The following KCND2 variants were observed in gnomAD, a reference collection of about 807,000 sequenced individuals.
The protein encoded by KCND2 is potassium voltage-gated channel subfamily D member 2, also known as A-type voltage-gated potassium channel KCND2.
A neutral mutation model predicts 54.4 loss-of-function variants in KCND2; 16 were observed. The observed-to-expected ratio is 0.29, with a 90% CI of 0.20 to 0.45. The LOEUF (loss-of-function observed/expected upper bound fraction) is 0.45. KCND2 is among the 20% of genes least tolerant of loss of function. The pLI is 1.00. For synonymous variants in KCND2, 317 were observed against 310.7 expected (o/e 1.02, Z -0.21); for missense variants, 486 against 824.2 (o/e 0.59, Z 5.02).
chr7:120,289,595 A>G (rs1451966047), intron 1 of KCND2, among the ~76,000 whole-genome samples: 1 of 152,034 alleles, frequency 6.6e-6, no homozygotes, highest in Non-Finnish European at 1.5e-5. Context: ...GAGCTACCTT[A>G]CACTTCTACC....
chr7:120,449,028 C>A (rs1802060478), intron 1 of KCND2, among the ~76,000 whole-genome samples: 1 of 152,078 alleles, frequency 6.6e-6, no homozygotes, highest in African/African-American at 2.4e-5. Flanking sequence ...TCACACACAA[C>A]GAAATAGAAA....
chr7:120,589,152 T>C (rs1399746240), intron 1 of KCND2, among the ~76,000 whole-genome samples: 1 of 152,158 alleles, frequency 6.6e-6, no homozygotes, highest in Non-Finnish European at 1.5e-5. Context: ...ATAGACTCCA[T>C]CTTTCTAAGG....
At chr7:120,599,143 G>C (rs886817778) in intron 1 of KCND2, among the ~76,000 whole-genome samples, 1 of 152,012 alleles carries the variant, frequency 6.6e-6, no homozygotes, top group African/African-American at 2.4e-5. Context: ...GATATATATG[G>C]ATCTATTTTT....
chr7:120,728,444 A>G (rs1168505004), intron 1 of KCND2, among the ~76,000 whole-genome samples: 1 of 151,756 alleles, frequency 6.6e-6, no homozygotes, highest in East Asian at 2.0e-4. Context: ...GGCATGTGCC[A>G]CCACACCCGG....
intron 1 of KCND2, among the ~76,000 whole-genome samples, chr7:120,658,515 T>TTCAATATTA (rs1791829670): frequency 6.6e-6 from 1 of 152,320 alleles, no homozygotes; most frequent in African/African-American, 2.4e-5. Flanking sequence ...CTTGTTTGTT[T>TTCAATATTA]TCAATATTAT....
At chr7:120,546,250 G>GT (rs1401029182) in intron 1 of KCND2, among the ~76,000 whole-genome samples, 2 of 151,914 alleles carry the variant, frequency 1.3e-5, no homozygotes, top group African/African-American at 4.8e-5. Flanking sequence ...ATTGAACACG[G>GT]TTCTAACCCT....
At chr7:120,345,415 A>G (rs981321255) in intron 1 of KCND2, among the ~76,000 whole-genome samples, 2 of 152,190 alleles carry the variant, frequency 1.3e-5, no homozygotes, top group South Asian at 2.1e-4. Context: ...GGTAACATCT[A>G]TGTAGCATAA....
chr7:120,420,530 A>G lies in KCND2; in HGVS notation c.1115+144783A>G, dbSNP rs575398709. Among the ~76,000 whole-genome samples, 40 of 152,326 alleles carry G rather than the reference A, an allele frequency of 2.6e-4. 1 individual carries two copies. The South Asian group carries it at 7.7e-3, about 29-fold the overall frequency. On this transcript the variant is annotated intron_variant, in intron 1 of 5. Transcript: ENST00000331113. ...GTAGAAGTTCAGCTTGCTGGAGACA[A>G]TCATACCTCAGTACAGCAGAGAGGT...
intron 1 of KCND2, among the ~76,000 whole-genome samples, chr7:120,428,772 G>A (rs780754676): frequency 2.6e-5 from 4 of 152,152 alleles, no homozygotes; most frequent in Non-Finnish European, 4.4e-5. Context: ...CTGAACAAAT[G>A]AGCAGCAATG....
intron 1 of KCND2, among the ~76,000 whole-genome samples, chr7:120,331,695 T>A (rs1158296921): frequency 4.6e-5 from 7 of 152,060 alleles, no homozygotes; most frequent in Non-Finnish European, 1.0e-4. Context: ...TCTATACTTT[T>A]AATTTATCTT....
chr7:120,368,233 C>T lies in KCND2; in HGVS notation c.1115+92486C>T, dbSNP rs182033276. 3.8e-3 allele frequency among the ~76,000 whole-genome samples: 585 copies of T among 152,036 alleles called. 4 individuals are homozygous for T. Among genetic ancestry groups the T allele is most frequent in the Non-Finnish European group, 6.6e-3 (449 of 67,946 alleles). ...TATATTACTCTTCAGATTCTTCTGGCGGATCCAGTGATAATTTTTCTTCTT... is the reference window on the plus strand; with the variant it reads ...TATATTACTCTTCAGATTCTTCTGGTGGATCCAGTGATAATTTTTCTTCTT... On this transcript the variant is annotated intron_variant, in intron 1 of 5. Transcript: ENST00000331113.
chr7:120,472,781 A>G (rs1034631178), intron 1 of KCND2, among the ~76,000 whole-genome samples: 1 of 152,192 alleles, frequency 6.6e-6, no homozygotes, highest in South Asian at 2.1e-4. Context: ...AGGATTGGCA[A>G]TAATTGTAAG....
At chr7:120,294,565 C>T (rs1799481389) in intron 1 of KCND2, among the ~76,000 whole-genome samples, 2 of 151,618 alleles carry the variant, frequency 1.3e-5, no homozygotes, top group Admixed American at 1.3e-4. Flanking sequence ...TTTATAAAGA[C>T]ATTTTTATCT....
At chr7:120,538,299 A>G (rs963189347) in intron 1 of KCND2, among the ~76,000 whole-genome samples, 3 of 152,252 alleles carry the variant, frequency 2.0e-5, no homozygotes, top group Admixed American at 2.0e-4. Context: ...GAAAACAGTT[A>G]CAATAGTAAC....
At chr7:120,368,732 C>A (rs1302307467) in intron 1 of KCND2, among the ~76,000 whole-genome samples, 1 of 151,832 alleles carries the variant, frequency 6.6e-6, no homozygotes, top group Non-Finnish European at 1.5e-5. Context: ...TGACTATAAG[C>A]CAAATCTCTT....
At chr7:120,705,875 C>G (rs1255825896) in intron 1 of KCND2, among the ~76,000 whole-genome samples, 1 of 152,052 alleles carries the variant, frequency 6.6e-6, no homozygotes, top group East Asian at 1.9e-4. Flanking sequence ...CTATCAGTGC[C>G]TTTGATTCCT....
intron 1 of KCND2, among the ~76,000 whole-genome samples, chr7:120,585,835 A>ATC (rs2116450554): frequency 6.6e-6 from 1 of 152,282 alleles, no homozygotes; most frequent in African/African-American, 2.4e-5. Context: ...GTAAATGATC[A>ATC]TCTCTAGGAA....
intron 1 of KCND2, among the ~76,000 whole-genome samples, chr7:120,631,897 G>C (rs182532728): frequency 1.4e-4 from 22 of 152,104 alleles, no homozygotes; most frequent in Admixed American, 1.4e-3. Context: ...TAAAATGATA[G>C]ATACCCTATG....
intron 1 of KCND2, among the ~76,000 whole-genome samples, chr7:120,701,415 AG>A (rs1172563317): frequency 6.6e-6 from 1 of 152,142 alleles, no homozygotes. Context: ...AGTAGGCGCT[AG>A]GTGAATTTAG....
Sources: gnomAD v4.1 joint callset for allele counts (sites outside exome capture counted in the v4.1 genomes callset) on GRCh38, gnomAD v4.1.1 for gene constraint, MANE v1.5 for transcripts, NCBI Gene and HGNC (gene_info 2026-07-23, HGNC 2026-07-21) for gene names.